The following FGF12 variants were observed in gnomAD, a reference collection of about 807,000 sequenced individuals.
The protein encoded by FGF12 is fibroblast growth factor 12B.
A neutral mutation model predicts 23.6 loss-of-function variants in FGF12; 14 were observed. That is an observed-to-expected ratio of 0.59 (90% CI 0.39 to 0.93). The LOEUF (loss-of-function observed/expected upper bound fraction) is 0.93, where lower values mean the gene tolerates loss of function less well. Among genes scored for constraint, FGF12 ranks in the 40% least tolerant of loss-of-function variants. The pLI, the probability that FGF12 is intolerant of heterozygous loss-of-function variation, is 0.00. For missense variants in FGF12, 175 were observed against 217.8 expected, an observed-to-expected ratio of 0.80 and a Z score of 1.24; for synonymous variants, 62 against 77.3, an observed-to-expected ratio of 0.80 and a Z score of 1.04.
intron 4 of FGF12, among the ~76,000 whole-genome samples, chr3:192,175,173 A>G (rs952366217): frequency 2.6e-5 from 4 of 152,328 alleles, no homozygotes; most frequent in Admixed American, 2.6e-4. Flanking sequence ...CAAAAAATCT[A>G]ATGTATAACG....
intron 2 of FGF12, among the ~76,000 whole-genome samples, chr3:192,484,315 T>TAAAAAA (rs57914760): frequency 1.0e-5 from 1 of 99,666 alleles, no homozygotes; most frequent in Non-Finnish European, 2.3e-5. Flanking sequence ...TCCATTTTCC[T>TAAAAAA]AAAAAAAAAA....
intron 4 of FGF12, among the ~76,000 whole-genome samples, chr3:192,306,855 T>G (rs1436353519): frequency 6.6e-6 from 1 of 152,230 alleles, no homozygotes; most frequent in Non-Finnish European, 1.5e-5. Context: ...TTTTCTAATC[T>G]CATAAAATGG....
intron 2 of FGF12, among the ~76,000 whole-genome samples, chr3:192,690,586 CA>C (rs35837229): frequency 0.53 from 49,214 of 92,064 alleles, 10,531 homozygotes; most frequent in East Asian, 0.77. Context: ...CACAACACTA[CA>C]AAAAAAAAAA....
In FGF12 at chr3:192,365,241, T is replaced by A. The variant is rs150038799; in HGVS notation, c.14-4703A>T. Among the ~76,000 whole-genome samples the A allele has an allele frequency of 6.8e-3, 907 of 133,620 alleles. 5 individuals carry two copies. The highest frequency in any genetic ancestry group is 8.5e-3 in the Non-Finnish European group (557 of 65,320). 87.7% of individuals were successfully genotyped at this position (133,620 alleles called of 152,430 possible). A position where few individuals can be genotyped will look rare whatever the true frequency, so the allele number is the denominator to read the frequency against. Reference sequence around the variant, plus strand: ...AATATATACACCCACCATGTACCCATACAAGTTAAAAGTAAAAAATTAAAA... The same window carrying A: ...AATATATACACCCACCATGTACCCAAACAAGTTAAAAGTAAAAAATTAAAA... On this transcript the variant is annotated intron_variant, in intron 2 of 5. Transcript: ENST00000445105.
chr3:192,239,560 G>A (rs1719488847), intron 4 of FGF12, among the ~76,000 whole-genome samples: 1 of 152,196 alleles, frequency 6.6e-6, no homozygotes, highest in Admixed American at 6.5e-5. Flanking sequence ...CACACAGCAA[G>A]AGGTGAGCAG....
intron 2 of FGF12, among the ~76,000 whole-genome samples, chr3:192,497,764 T>C (rs182582925): frequency 1.4e-3 from 211 of 152,326 alleles, no homozygotes; most frequent in Admixed American, 2.5e-3. Flanking sequence ...AAAACTGCTC[T>C]ATCCAAAGAG....
intron 2 of FGF12, among the ~76,000 whole-genome samples, chr3:192,448,911 G>C (rs574914233): frequency 6.6e-6 from 1 of 152,244 alleles, no homozygotes; most frequent in East Asian, 1.9e-4. Context: ...AACAAGAACA[G>C]CAGACTTGCT....
chr3:192,612,717 T>TC (rs2108640947), intron 2 of FGF12, among the ~76,000 whole-genome samples: 1 of 152,086 alleles, frequency 6.6e-6, no homozygotes, highest in East Asian at 1.9e-4. Context: ...TCTGCTTATT[T>TC]CATACCAACT....
chr3:192,400,916 T>C (rs1251920167), intron 2 of FGF12, among the ~76,000 whole-genome samples: 1 of 152,178 alleles, frequency 6.6e-6, no homozygotes, highest in African/African-American at 2.4e-5. Flanking sequence ...ACATCATCTA[T>C]AGCCTAGACC....
intron 4 of FGF12, among the ~76,000 whole-genome samples, chr3:192,332,400 AAAAG>A (rs1717170273): frequency 6.6e-6 from 1 of 152,154 alleles, no homozygotes; most frequent in Admixed American, 6.5e-5. Context: ...AATTTTTTAA[AAAAG>A]AAAAGAGAAA....
chr3:192,169,851 A>G (rs562130046), intron 5 of FGF12, among the ~76,000 whole-genome samples: 6 of 151,698 alleles, frequency 4.0e-5, no homozygotes, highest in Non-Finnish European at 8.8e-5. Flanking sequence ...AAAAAACAAA[A>G]AAGTTTATTC....
chr3:192,371,335 T>C (rs1719220276), intron 2 of FGF12, among the ~76,000 whole-genome samples: 1 of 152,200 alleles, frequency 6.6e-6, no homozygotes, highest in South Asian at 2.1e-4. Context: ...TATACCAGGA[T>C]CTTCCAGTTC....
At chr3:192,567,895 C>T (rs56137303) in intron 2 of FGF12, among the ~76,000 whole-genome samples, 53,499 of 149,936 alleles carry the variant, frequency 0.36, 9,930 homozygotes, top group South Asian at 0.52. Context: ...TGCAGTGGCG[C>T]GATCTTGGCT....
intron 2 of FGF12, among the ~76,000 whole-genome samples, chr3:192,502,690 G>A (rs1176144605): frequency 1.3e-5 from 2 of 152,220 alleles, no homozygotes; most frequent in African/African-American, 4.8e-5. Flanking sequence ...AAAAGACAGA[G>A]ATGCTCTACC....
chr3:192,479,228 A>G (rs571213582), intron 2 of FGF12, among the ~76,000 whole-genome samples: 3 of 152,304 alleles, frequency 2.0e-5, no homozygotes, highest in South Asian at 4.1e-4. Flanking sequence ...ACAGGAGACT[A>G]TATCAGTGCC....
intron 3 of FGF12, among the ~76,000 whole-genome samples, chr3:192,343,989 G>T (rs976026836): frequency 6.7e-6 from 1 of 148,590 alleles, no homozygotes; most frequent in African/African-American, 2.5e-5. Flanking sequence ...GTGACTCCAA[G>T]TAATTTAATG....
intron 2 of FGF12, among the ~76,000 whole-genome samples, chr3:192,502,816 A>G (rs1724171106): frequency 1.3e-5 from 2 of 152,276 alleles, no homozygotes; most frequent in South Asian, 2.1e-4. Context: ...TCCATTATGC[A>G]TATCTAGGCT....
chr3:192,568,511 T>C (rs1254984110), intron 2 of FGF12, among the ~76,000 whole-genome samples: 1 of 152,112 alleles, frequency 6.6e-6, no homozygotes, highest in African/African-American at 2.4e-5. Flanking sequence ...GACCAGCCAA[T>C]GGTCACAGTC....
chr3:192,529,638 C>G (rs1251191640), intron 2 of FGF12, among the ~76,000 whole-genome samples: 2 of 152,058 alleles, frequency 1.3e-5, no homozygotes, highest in African/African-American at 4.8e-5. Context: ...GGGCAATTTA[C>G]AAAAGAAAGA....
Sources: allele counts gnomAD v4.1 joint callset (sites outside exome capture counted in the v4.1 genomes callset), GRCh38; gene constraint gnomAD v4.1.1; transcripts MANE v1.5; gene names NCBI Gene and HGNC (gene_info 2026-07-23, HGNC 2026-07-21).